CLSTN2: variants seen among roughly 807,000 people sequenced by gnomAD.
The protein encoded by CLSTN2 is calsyntenin-2.
CLSTN2 carries 48 observed loss-of-function variants against 101.2 expected under a neutral mutation model. The ratio of observed to expected loss-of-function variants is 0.47; its 90% CI spans 0.38 to 0.60. The LOEUF is 0.60. CLSTN2 is among the 20% of genes least tolerant of loss of function. CLSTN2 has a pLI of 0.00. For missense variants in CLSTN2, 1,160 were observed against 1,238.2 expected (o/e 0.94, Z 0.95); for synonymous variants, 481 against 463.6 (o/e 1.04, Z -0.48).
intron 1 of CLSTN2, among the ~76,000 whole-genome samples, chr3:139,958,560 T>C (rs1189580977): frequency 6.6e-6 from 1 of 151,724 alleles, no homozygotes; most frequent in Admixed American, 6.6e-5. Flanking sequence ...AACATGAAAA[T>C]GTGGCTGGCC....
chr3:140,326,287 T>C (rs2087331607), intron 2 of CLSTN2, among the ~76,000 whole-genome samples: 1 of 152,206 alleles, frequency 6.6e-6, no homozygotes, highest in Admixed American at 6.5e-5. Flanking sequence ...AATAGCTGAC[T>C]ACCAATAGGG....
intron 2 of CLSTN2, among the ~76,000 whole-genome samples, chr3:140,209,000 A>G (rs1464695865): frequency 6.6e-6 from 1 of 152,202 alleles, no homozygotes; most frequent in Non-Finnish European, 1.5e-5. Context: ...GGCAATTCCC[A>G]GTGTGTAGTA....
At chr3:140,206,896 A>G (rs1371608871) in intron 2 of CLSTN2, among the ~76,000 whole-genome samples, 2 of 152,202 alleles carry the variant, frequency 1.3e-5, no homozygotes, top group Non-Finnish European at 2.9e-5. Context: ...CCTACAGCGC[A>G]GCTCTGGCCA....
At chr3:140,389,316 G>A (rs1321437426) in intron 2 of CLSTN2, among the ~76,000 whole-genome samples, 6 of 152,190 alleles carry the variant, frequency 3.9e-5, no homozygotes, top group Admixed American at 3.3e-4. Context: ...AGGCCCCAGT[G>A]TGTGTTGTTC....
At chr3:140,513,204 G>A (rs558116060) in intron 8 of CLSTN2, among the ~76,000 whole-genome samples, 26 of 152,032 alleles carry the variant, frequency 1.7e-4, no homozygotes, top group Non-Finnish European at 2.5e-4. Flanking sequence ...AGGGGAATGC[G>A]TCCAGCTTTT....
At chr3:140,403,343 T>C (rs151015490) in intron 2 of CLSTN2, among the ~76,000 whole-genome samples, 201 of 151,634 alleles carry the variant, frequency 1.3e-3, no homozygotes, top group African/African-American at 4.6e-3. Flanking sequence ...AAACCAGGAG[T>C]AAAGGAAAGA....
chr3:140,016,793 G>GAAAAAAAAAAAAAAAAAAA (rs56040791), intron 1 of CLSTN2, among the ~76,000 whole-genome samples: 1 of 89,298 alleles, frequency 1.1e-5, no homozygotes, highest in Admixed American at 1.4e-4. Flanking sequence ...GTGAGACTCT[G>GAAAAAAAAAAAAAAAAAAA]AAAAAAAAAA....
At chr3:140,121,087 A>AG (rs1308298378) in intron 1 of CLSTN2, among the ~76,000 whole-genome samples, 1 of 152,192 alleles carries the variant, frequency 6.6e-6, no homozygotes, top group Non-Finnish European at 1.5e-5. Context: ...GACAGGGGTG[A>AG]GGGAAACCAC....
chr3:140,212,339 C>T (rs758857909), intron 2 of CLSTN2, among the ~76,000 whole-genome samples: 2 of 152,362 alleles, frequency 1.3e-5, no homozygotes, highest in East Asian at 3.9e-4. Flanking sequence ...CATCAGTGTC[C>T]TGTGCAAGAA....
chr3:140,215,706 T>A (rs1179676603), intron 2 of CLSTN2, among the ~76,000 whole-genome samples: 1 of 152,188 alleles, frequency 6.6e-6, no homozygotes, highest in African/African-American at 2.4e-5. Flanking sequence ...ACAAGTAACT[T>A]ACCCTCCCTG....
At chr3:140,534,778 T>A (rs779159043) in intron 9 of CLSTN2, among the ~76,000 whole-genome samples, 3 of 152,256 alleles carry the variant, frequency 2.0e-5, no homozygotes, top group Non-Finnish European at 4.4e-5. Flanking sequence ...AAGTGAAATC[T>A]ACACTGTATC....
At chr3:140,175,835 A>G (rs986030362) in intron 1 of CLSTN2, 116 bp from the exon 2 acceptor site, 13 of 1,015,462 alleles carry the variant, frequency 1.3e-5, no homozygotes, top group Admixed American at 7.5e-5. Context: ...CATGTCTCTC[A>G]TGGGATTGTT....
At chr3:140,156,546 G>A (rs2009956764) in intron 1 of CLSTN2, among the ~76,000 whole-genome samples, 1 of 152,170 alleles carries the variant, frequency 6.6e-6, no homozygotes, top group Admixed American at 6.5e-5. Context: ...GTGTAATGAG[G>A]CCCCAGCTGC....
At chr3:140,544,046 A>G (rs1376211709) in intron 9 of CLSTN2, among the ~76,000 whole-genome samples, 1 of 152,240 alleles carries the variant, frequency 6.6e-6, no homozygotes, top group African/African-American at 2.4e-5. Flanking sequence ...TGAGATGGAT[A>G]TTGGAAAGAC....
intron 1 of CLSTN2, among the ~76,000 whole-genome samples, chr3:139,988,954 T>C (rs1018878565): frequency 1.3e-5 from 2 of 152,294 alleles, no homozygotes; most frequent in Non-Finnish European, 1.5e-5. Context: ...TGTCATCTCA[T>C]GTGTGTAATA....
In CLSTN2 at chr3:140,556,618, C is replaced by T; in HGVS notation, c.1780C>T (p.Pro594Ser). ...KVSYINSRQF[P>S]TAGVRRLKVS... Reference sequence around the variant, plus strand: ...CTCCTACATCAACTCCAGGCAGTTCCCAACGGCGGGTGTGCGGCGCCTCAA... The same window carrying T: ...CTCCTACATCAACTCCAGGCAGTTCTCAACGGCGGGTGTGCGGCGCCTCAA... The change falls in exon 11 of 17, where the codon CCA (proline) becomes TCA (serine). Residue 594 changes from proline to serine, a missense_variant. Transcript: ENST00000458420. 2 of 1,614,112 alleles carry T rather than the reference C, an allele frequency of 1.2e-6. No homozygotes were observed. Among genetic ancestry groups the T allele is most frequent in the South Asian group, 2.2e-5 (2 of 91,070 alleles).
intron 2 of CLSTN2, among the ~76,000 whole-genome samples, chr3:140,326,418 A>T (rs2087332561): frequency 6.6e-6 from 1 of 152,192 alleles, no homozygotes; most frequent in Non-Finnish European, 1.5e-5. Flanking sequence ...TGTTCCCATT[A>T]GTTGTTGCAG....
At chr3:140,485,223 C>G (rs971722860) in intron 8 of CLSTN2, among the ~76,000 whole-genome samples, 6 of 152,206 alleles carry the variant, frequency 3.9e-5, no homozygotes, top group Admixed American at 6.5e-5. Context: ...GAGGTCCACT[C>G]CAGACCCTGT....
intron 2 of CLSTN2, among the ~76,000 whole-genome samples, chr3:140,180,449 G>C (rs2010391114): frequency 6.6e-6 from 1 of 152,176 alleles, no homozygotes; most frequent in Admixed American, 6.5e-5. Flanking sequence ...GAGCTCTGTA[G>C]ATTTGACCTT....
Sources: gnomAD v4.1 joint callset for allele counts (sites outside exome capture counted in the v4.1 genomes callset) on GRCh38, gnomAD v4.1.1 for gene constraint, MANE v1.5 for transcripts, NCBI Gene and HGNC (gene_info 2026-07-23, HGNC 2026-07-21) for gene names.